Variants in GGACT observed in about 807,000 individuals in gnomAD.
GGACT encodes gamma-glutamylamine cyclotransferase, also known as gamma-glutamylaminecyclotransferase.
For synonymous variants in GGACT, 118 were observed against 115.3 expected, an observed-to-expected ratio of 1.02 and a Z score of -0.15; for missense variants, 241 against 233.2, an observed-to-expected ratio of 1.03 and a Z score of -0.22.
chr13:100,555,922 A>G (rs2088704524), intron 2 of GGACT, among the ~76,000 whole-genome samples: 1 of 152,254 alleles, frequency 6.6e-6, no homozygotes, highest in South Asian at 2.1e-4. Context: ...TAAGCACTTG[A>G]TAAAATTCAG....
rs118036864 is a variant in GGACT at position 100,555,641 on chromosome 13, G to A, written c.-10-23040C>T. Among the ~76,000 whole-genome samples, 332 of 152,104 alleles carry A rather than the reference G, an allele frequency of 2.2e-3. 13 individuals carry two copies. The East Asian group carries it at 0.039, about 18-fold the overall frequency. On this transcript the variant is annotated intron_variant, in intron 2 of 2. Transcript: ENST00000683975. ...TCTGCCAGCAGTTAAAGACCAGCCC[G>A]GGCAAGAGAGAGAGACGCTGTCTCA...
At chr13:100,547,144 T>C (rs2088614282) in intron 2 of GGACT, among the ~76,000 whole-genome samples, 1 of 152,190 alleles carries the variant, frequency 6.6e-6, no homozygotes, top group Admixed American at 6.5e-5. Context: ...CACCTCTTCC[T>C]TCCCACAAGA....
intron 2 of GGACT, among the ~76,000 whole-genome samples, chr13:100,553,842 T>TGA (rs1594189718): frequency 5.5e-5 from 1 of 18,348 alleles, no homozygotes; most frequent in Non-Finnish European, 8.9e-5. Context: ...AGACTCCATC[T>TGA]CAAAAAAAAA....
Position 100,567,302 on chromosome 13 carries a change from G to C in GGACT, c.-11+16523C>G, listed in dbSNP as rs568650721. ...CTGCCACTTGTTCATTTATTTATTT[G>C]TATCTACATGGACTTATGGTTTCCT... is the stretch of plus-strand genomic sequence containing the variant. On this transcript the variant is annotated intron_variant, in intron 2 of 2. Coordinates refer to ENST00000683975, the MANE Select transcript of GGACT (RefSeq NM_001195087.2). 2.6e-5 allele frequency among the ~76,000 whole-genome samples: 4 copies of C among 152,234 alleles called. No individual in the cohort carries two copies. In the South Asian group the frequency reaches 8.3e-4, roughly 32 times the overall value.
chr13:100,536,349 C>T (rs2088491790), intron 2 of GGACT: 1 of 152,092 alleles, frequency 6.6e-6, no homozygotes, highest in Non-Finnish European at 1.5e-5. Context: ...CTGGCTCTCC[C>T]AATATTCCGG....
intron 2 of GGACT, among the ~76,000 whole-genome samples, chr13:100,543,724 C>A (rs754307788): frequency 1.1e-4 from 17 of 152,200 alleles, no homozygotes; most frequent in Non-Finnish European, 2.1e-4. Flanking sequence ...ATGATTTAGA[C>A]TTGGGTAGCA....
chr13:100,550,881 C>T (rs780568158), intron 2 of GGACT, among the ~76,000 whole-genome samples: 3 of 151,686 alleles, frequency 2.0e-5, no homozygotes, highest in Non-Finnish European at 4.4e-5. Flanking sequence ...ATCATGTTTA[C>T]TCAGCCATTT....
chr13:100,569,075 C>G (rs1874998420), intron 2 of GGACT, among the ~76,000 whole-genome samples: 1 of 152,258 alleles, frequency 6.6e-6, no homozygotes, highest in African/African-American at 2.4e-5. Context: ...GCTGCCTTCA[C>G]AGACTGGCAT....
At chr13:100,582,066 G>T (rs1176514359) in intron 2 of GGACT, among the ~76,000 whole-genome samples, 1 of 152,182 alleles carries the variant, frequency 6.6e-6, no homozygotes, top group African/African-American at 2.4e-5. Context: ...TTGAACAATG[G>T]TTTTCCCTGT....
rs919773789 is a variant in GGACT, at chr13:100,556,090, G to A, written c.-10-23489C>T. ...TTGAGACTGGATGCAAGGCAAGGAC[G>A]TCCACTCTTCCTACTTCTAAATCCT... is the stretch of plus-strand genomic sequence containing the variant. On this transcript the variant is annotated intron_variant, in intron 2 of 2. Coordinates refer to ENST00000683975, the MANE Select transcript of GGACT (RefSeq NM_001195087.2). Among the ~76,000 whole-genome samples the A allele has an allele frequency of 9.2e-5, 14 of 152,338 alleles. No individual in the cohort carries two copies. In the South Asian group the frequency reaches 1.0e-3, roughly 11 times the overall value.
At chr13:100,559,431 C>G (rs1047172569) in intron 2 of GGACT, among the ~76,000 whole-genome samples, 1 of 152,116 alleles carries the variant, frequency 6.6e-6, no homozygotes, top group African/African-American at 2.4e-5. Flanking sequence ...AGGTGATCTA[C>G]CCCCCTCGGC....
At chr13:100,561,994 G>A (rs922052195) in intron 2 of GGACT, among the ~76,000 whole-genome samples, 2 of 152,174 alleles carry the variant, frequency 1.3e-5, no homozygotes, top group Non-Finnish European at 2.9e-5. Context: ...TGCATGCCCC[G>A]GAGGAGGCTG....
chr13:100,550,959 C>G (rs958988875), intron 2 of GGACT, among the ~76,000 whole-genome samples: 5 of 152,258 alleles, frequency 3.3e-5, no homozygotes, highest in Admixed American at 3.3e-4. Flanking sequence ...AAAGTTTTAT[C>G]ATTTCTCTCA....
At chr13:100,567,160 A>T (rs990107291) in intron 2 of GGACT, among the ~76,000 whole-genome samples, 1 of 152,318 alleles carries the variant, frequency 6.6e-6, no homozygotes, top group South Asian at 2.1e-4. Flanking sequence ...CACTCTGATC[A>T]CTTAAGGTGG....
intron 2 of GGACT, chr13:100,540,184 C>T (rs35114926): frequency 0.48 from 736,030 of 1,543,512 alleles, 183,026 homozygotes; most frequent in South Asian, 0.66. Context: ...GTTAGTGCAG[C>T]GAATAGGCTG....
intron 2 of GGACT, among the ~76,000 whole-genome samples, chr13:100,569,639 C>T (rs1875020164): frequency 6.6e-6 from 1 of 152,236 alleles, no homozygotes. Context: ...TCGCCACTGT[C>T]TTGGTGATTA....
chr13:100,560,010 A>G (rs1739170121), intron 2 of GGACT, among the ~76,000 whole-genome samples: 1 of 152,300 alleles, frequency 6.6e-6, no homozygotes, highest in South Asian at 2.1e-4. Context: ...GCCAAAGACT[A>G]CATCCCGTAT....
intron 2 of GGACT, among the ~76,000 whole-genome samples, chr13:100,541,437 C>A (rs918287629): frequency 6.6e-6 from 1 of 152,202 alleles, no homozygotes; most frequent in East Asian, 1.9e-4. Context: ...CCACTGACTG[C>A]CGACTGTGCA....
intron 2 of GGACT, among the ~76,000 whole-genome samples, chr13:100,574,651 C>T (rs1221702958): frequency 2.0e-5 from 3 of 152,074 alleles, no homozygotes; most frequent in African/African-American, 4.8e-5. Flanking sequence ...TGGACATAAA[C>T]CTGGGAGCAA....
Sources: allele counts gnomAD v4.1 joint callset (sites outside exome capture counted in the v4.1 genomes callset), GRCh38; gene constraint gnomAD v4.1.1; transcripts MANE v1.5; gene names NCBI Gene and HGNC (gene_info 2026-07-23, HGNC 2026-07-21).